The following PAPLN variants were observed in gnomAD, a reference collection of about 807,000 sequenced individuals.
PAPLN encodes the protein papilin, proteoglycan like sulfated glycoprotein, also known as papilin.
PAPLN carries 146 observed loss-of-function variants against 159.0 expected under a neutral mutation model. The ratio of observed to expected loss-of-function variants is 0.92; its 90% CI spans 0.80 to 1.05. The LOEUF (loss-of-function observed/expected upper bound fraction) is 1.05. PAPLN is among the 50% of genes least tolerant of loss of function. The pLI, the probability that PAPLN is intolerant of heterozygous loss-of-function variation, is 0.00. For missense variants in PAPLN, 1,720 were observed against 1,743.9 expected (o/e 0.99, Z 0.24); for synonymous variants, 734 against 702.9 (o/e 1.04, Z -0.70).
chr14:73,249,184 C>G lies in PAPLN; in HGVS notation c.335-800C>G, dbSNP rs143480548. 5.4e-3 allele frequency among the ~76,000 whole-genome samples: 815 copies of G among 152,260 alleles called. 8 individuals are homozygous for G. The highest frequency in any genetic ancestry group is 8.6e-3 in the Non-Finnish European group (588 of 68,018). ...CCTCATCCTGCCCCTTTCACAAGATCACTGTTAGCATTTCATTTTAGCCCC... is the reference window on the plus strand; with the variant it reads ...CCTCATCCTGCCCCTTTCACAAGATGACTGTTAGCATTTCATTTTAGCCCC... On this transcript the variant is annotated intron_variant, in intron 5 of 26. Transcript: ENST00000644200.
At chr14:73,260,543 A>G (rs1886444341) in intron 16 of PAPLN, among the ~76,000 whole-genome samples, 166 bp from the exon 17 acceptor site, 1 of 151,692 alleles carries the variant, frequency 6.6e-6, no homozygotes, top group Non-Finnish European at 1.5e-5. Context: ...TTAGGCAGAG[A>G]TTGCGGCACA....
intron 26 of PAPLN, among the ~76,000 whole-genome samples, chr14:73,271,338 C>A (rs1046804034): frequency 2.6e-5 from 4 of 152,044 alleles, no homozygotes; most frequent in Non-Finnish European, 5.9e-5. Context: ...TTGTTCGCTG[C>A]TAGGTACAGT....
rs984452909 is a variant in PAPLN, at chr14:73,274,024, C to G, written c.*1360C>G. 2.6e-5 allele frequency: 4 copies of G among 152,188 alleles called. No homozygotes were observed. The highest frequency in any genetic ancestry group is 9.7e-5 in the African/African-American group (4 of 41,432). The allele number at this position is 152,188 out of a possible 1,614,324, so 9.4% of individuals were successfully genotyped here. On this transcript the variant is annotated 3_prime_UTR_variant, in exon 27 of 27. Coordinates refer to ENST00000644200, the MANE Select transcript of PAPLN (RefSeq NM_001365906.3). ...TCATCTGACACCTGTGTAAAGCTGA[C>G]CAGCCTGCTCTGTACAGTGACAATG...
chr14:73,250,970 G>C lies in PAPLN; in HGVS notation c.529G>C (p.Gly177Arg). 6.2e-7 allele frequency: 1 copy of C among 1,613,780 alleles called. No homozygotes were observed. The highest frequency in any genetic ancestry group is 2.2e-5 in the East Asian group (1 of 44,860). The change falls in exon 7 of 27, where the codon GGT becomes CGT. Residue 177 changes from glycine (G) to arginine (R), a missense_variant. Coordinates refer to ENST00000644200, the MANE Select transcript of PAPLN (RefSeq NM_001365906.3). ...KQEDKCLRCG[G>R]DGTTCYPVAG... ...GGAGGACAAGTGTCTGCGGTGTGGG[G>C]GTGACGGCACGACCTGCTACCCCGT...
At chr14:73,242,132 G>C (rs866165328) in intron 2 of PAPLN, among the ~76,000 whole-genome samples, 27 of 152,266 alleles carry the variant, frequency 1.8e-4, no homozygotes, top group African/African-American at 5.8e-4. Context: ...TCCTTGGAGA[G>C]ACAGTGTGGA....
Position 73,263,688 on chromosome 14 carries a change from C to G in PAPLN, c.2767C>G (p.Leu923Val). The G allele has an allele frequency of 1.2e-6, 2 of 1,613,540 alleles. No homozygotes were observed. The highest frequency in any genetic ancestry group is 1.7e-6 in the Non-Finnish European group (2 of 1,179,994). ...GVEPSLVQAA[L>V]GQLVRLSCSD... ...GGAGCCCTCGTTGGTGCAGGCAGCC[C>G]TGGGGCAGTTGGTGCGGCTCTCCTG... is the stretch of plus-strand genomic sequence containing the variant. The change falls in exon 20 of 27, where the codon CTG becomes GTG. Residue 923 changes from leucine (L) to valine (V), a missense_variant. Leu to Val is a conservative substitution (Grantham distance 32). Coordinates refer to ENST00000644200, the MANE Select transcript of PAPLN (RefSeq NM_001365906.3).
chr14:73,255,031 G>A lies in PAPLN; in HGVS notation c.1627+13G>A. On this transcript the variant is annotated intron_variant, in intron 14 of 26. Coordinates refer to ENST00000644200, the MANE Select transcript of PAPLN (RefSeq NM_001365906.3). ...CATCTCCCCCAGGGTAAGGACAGGA[G>A]GGCAGGGAGGAGTCCGGCCTCTGAC... 2 of 1,608,972 alleles carry A rather than the reference G, an allele frequency of 1.2e-6. No homozygotes were observed. The highest frequency in any genetic ancestry group is 1.7e-6 in the Non-Finnish European group (2 of 1,177,942).
At chr14:73,256,308 A>G (rs1413123346) in intron 14 of PAPLN, among the ~76,000 whole-genome samples, 2 of 151,152 alleles carry the variant, frequency 1.3e-5, no homozygotes, top group East Asian at 4.0e-4. Flanking sequence ...AGGTGGGAGG[A>G]CCACTTGAAA....
intron 1 of PAPLN, among the ~76,000 whole-genome samples, chr14:73,239,054 G>A (rs1883258175): frequency 6.6e-6 from 1 of 152,134 alleles, no homozygotes; most frequent in Non-Finnish European, 1.5e-5. Flanking sequence ...ACATGGACCC[G>A]CCCCGCACAC....
rs1268502015 is a variant in PAPLN, at chr14:73,273,282, C to T, written c.*618C>T. On this transcript the variant is annotated 3_prime_UTR_variant, in exon 27 of 27. Coordinates refer to ENST00000644200, the MANE Select transcript of PAPLN (RefSeq NM_001365906.3). ...GGCATGAGCCACCACGCCCAGCCAT[C>T]AATGCATTTTTTTTATTTTTTTTTT... The T allele has an allele frequency of 6.9e-6, 1 of 145,038 alleles. No homozygotes were observed. The highest frequency in any genetic ancestry group is 1.5e-5 in the Non-Finnish European group (1 of 65,816). The allele number at this position is 145,038 out of a possible 1,614,324, so 9.0% of individuals were successfully genotyped here.
Position 73,268,659 on chromosome 14 carries a change from G to T in PAPLN, c.3603G>T (p.Thr1201=). 1 of 1,613,990 alleles carries T rather than the reference G, an allele frequency of 6.2e-7. No homozygotes were observed. The highest frequency in any genetic ancestry group is 8.5e-7 in the Non-Finnish European group (1 of 1,179,942). ...NLRARDEGSY[T]CSAYQGSQAV... is the part of the protein sequence containing the mutation. ...GGGCCAGGGATGAGGGCTCCTACAC[G>T]TGCAGTGCCTACCAGGGGAGCCAGG... Residue 1201 remains threonine (T), a synonymous_variant, in exon 26 of 27, where the codon ACG becomes ACT. Coordinates refer to ENST00000644200, the MANE Select transcript of PAPLN (RefSeq NM_001365906.3).
chr14:73,269,270 G>C (rs571647903), intron 26 of PAPLN, among the ~76,000 whole-genome samples: 8 of 148,508 alleles, frequency 5.4e-5, no homozygotes, highest in Non-Finnish European at 7.4e-5. Flanking sequence ...CCTGGGACTA[G>C]AGCCCATGTC....
intron 26 of PAPLN, among the ~76,000 whole-genome samples, chr14:73,271,889 T>C (rs115676313): frequency 0.011 from 1,618 of 152,246 alleles, 33 homozygotes; most frequent in African/African-American, 0.037. Context: ...GTTCTCAGTG[T>C]AGTTAGTATT....
intron 14 of PAPLN, among the ~76,000 whole-genome samples, chr14:73,256,532 C>CAAAAAAA (rs57667060): frequency 4.3e-5 from 4 of 92,738 alleles, no homozygotes; most frequent in Admixed American, 1.2e-4. Flanking sequence ...GACTCTGTCT[C>CAAAAAAA]AAAAAAAAAA....
At position 73,262,504 on chromosome 14, in the gene PAPLN, C is replaced by G; in HGVS notation, c.2400C>G (p.Cys800Trp). The G allele has an allele frequency of 6.3e-7, 1 of 1,587,322 alleles. No homozygotes were observed. The highest frequency in any genetic ancestry group is 8.6e-7 in the Non-Finnish European group (1 of 1,166,242). ...NANNFASEQE[C>W]MSSCQGSLHG... is the part of the protein sequence containing the mutation. ...ATAACTTTGCCTCGGAGCAAGAGTG[C>G]ATGAGCAGCTGCCAGGGATCTCTCC... The change falls in exon 19 of 27, where the codon TGC becomes TGG. Residue 800 changes from cysteine to tryptophan, a missense_variant. Cys to Trp is a radical substitution (Grantham distance 215). Coordinates refer to ENST00000644200, the MANE Select transcript of PAPLN (RefSeq NM_001365906.3).
chr14:73,254,829 C>T lies in PAPLN; in HGVS notation c.1486-48C>T, dbSNP rs761986650. The T allele has an allele frequency of 3.1e-6, 5 of 1,603,514 alleles. No individual in the cohort carries two copies. In the South Asian group the frequency reaches 3.3e-5, roughly 11 times the overall value. On this transcript the variant is annotated intron_variant, in intron 13 of 26. Transcript: ENST00000644200. Reference sequence around the variant, plus strand: ...GCCTCTCTCCATGTGGGTCCCCGCCCCCAGCCTCGCCCTCAGCATCTCTCT... The same window carrying T: ...GCCTCTCTCCATGTGGGTCCCCGCCTCCAGCCTCGCCCTCAGCATCTCTCT...
At chr14:73,258,638 A>G (rs1011152288) in intron 14 of PAPLN, among the ~76,000 whole-genome samples, 4 of 149,246 alleles carry the variant, frequency 2.7e-5, no homozygotes, top group Non-Finnish European at 5.9e-5. Context: ...AAAAAAAAAA[A>G]GTAGTCCCAG....
At chr14:73,266,002 G>C (rs533752822) in intron 23 of PAPLN, among the ~76,000 whole-genome samples, 1 of 152,162 alleles carries the variant, frequency 6.6e-6, no homozygotes, top group Non-Finnish European at 1.5e-5. Flanking sequence ...CCGAAATTTT[G>C]TATCAGAAAA....
chr14:73,263,477 C>A (rs1886811142), intron 19 of PAPLN, 168 bp from the exon 20 acceptor site: 1 of 821,414 alleles, frequency 1.2e-6, no homozygotes, highest in Non-Finnish European at 1.9e-6. Context: ...AGGGTAGATT[C>A]CTGAATCCAT....
Sources: gnomAD v4.1 joint callset for allele counts (sites outside exome capture counted in the v4.1 genomes callset) on GRCh38, gnomAD v4.1.1 for gene constraint, MANE v1.5 for transcripts, NCBI Gene and HGNC (gene_info 2026-07-23, HGNC 2026-07-21) for gene names.